Variants in UGT2B17 observed in about 807,000 individuals in gnomAD.
UGT2B17 encodes UDP glucuronosyltransferase family 2 member B17.
In UGT2B17, 21 loss-of-function variants were observed where a neutral mutation model predicts 48.2. That is an observed-to-expected ratio of 0.44 (90% CI 0.31 to 0.63). UGT2B17 has a LOEUF of 0.63. Among genes scored for constraint, UGT2B17 ranks in the 20% least tolerant of loss-of-function variants. The pLI is 0.08. For synonymous variants in UGT2B17, 146 were observed against 238.4 expected (o/e 0.61, Z 3.57); for missense variants, 402 against 696.1 (o/e 0.58, Z 4.75).
chr4:68,562,402 T>C (rs1007308872), intron 3 of UGT2B17, among the ~76,000 whole-genome samples: 3 of 126,398 alleles, frequency 2.4e-5, no homozygotes, highest in African/African-American at 5.4e-5. Flanking sequence ...CTTGAGCCAC[T>C]GTGCCCGGTC....
intron 1 of UGT2B17, among the ~76,000 whole-genome samples, chr4:68,572,410 C>T (rs1044987708): frequency 2.4e-5 from 3 of 126,156 alleles, no homozygotes; most frequent in African/African-American, 8.2e-5. Flanking sequence ...ATTTCCTGGG[C>T]TACATACCTT....
rs1731197271 is a variant in UGT2B17 at position 68,566,114 on chromosome 4, A to G, written c.725-394T>C. Among the ~76,000 whole-genome samples the G allele has an allele frequency of 1.7e-5, 2 of 118,966 alleles. 1 individual carries two copies. The highest frequency in any genetic ancestry group is 5.6e-5 in the African/African-American group (2 of 35,496). The allele number at this position is 118,966 out of a possible 152,430, so 78.0% of individuals were successfully genotyped here. On this transcript the variant is annotated intron_variant, in intron 2 of 6. Coordinates refer to ENST00000317746, the MANE Select transcript of UGT2B17 (RefSeq NM_001077.4). ...TTAATAAAATTAAACAATATTTAAT[A>G]TTTAATTTAATATTTAATATTTAAT...
At position 68,553,425 on chromosome 4, in the gene UGT2B17, G is replaced by C. The variant is rs1730949408; in HGVS notation, c.1006-1514C>G. Among the ~76,000 whole-genome samples, 2 of 126,698 alleles carry C rather than the reference G, an allele frequency of 1.6e-5. 1 individual carries two copies. The highest frequency in any genetic ancestry group is 3.4e-5 in the Non-Finnish European group (2 of 59,588). The allele number at this position is 126,698 out of a possible 152,430, so 83.1% of individuals were successfully genotyped here. On this transcript the variant is annotated intron_variant, in intron 4 of 6. Transcript: ENST00000317746. ...CAAAAATCTAGAGAAGGCTTCTAAT[G>C]ATTTGAACTCTTTTAAAGAATTCAG...
Position 68,569,848 on chromosome 4 carries a change from T to G in UGT2B17, c.-64-1300A>C. 1.6e-5 allele frequency among the ~76,000 whole-genome samples: 2 copies of G among 126,746 alleles called. 1 individual carries two copies. The allele number at this position is 126,746 out of a possible 152,430, so 83.2% of individuals were successfully genotyped here. On this transcript the variant is annotated intron_variant, in intron 1 of 6. Coordinates refer to ENST00000317746, the MANE Select transcript of UGT2B17 (RefSeq NM_001077.4). ...ATGCCATTTTAGGCCTCAGCCCACC[T>G]GCACCCAGGCACTCATTAAAACAGC... is the stretch of plus-strand genomic sequence containing the variant.
chr4:68,568,682 C>T (rs62317003), intron 1 of UGT2B17, among the ~76,000 whole-genome samples, 134 bp from the exon 2 acceptor site: 114,356 of 125,320 alleles, frequency 0.91, 54,622 homozygotes, highest in East Asian at 1. Context: ...ACCTAGAATA[C>T]GTAAGTAACC....
In UGT2B17 at chr4:68,573,944, A is replaced by G. The variant is rs187767198; in HGVS notation, c.-65+2007T>C. Among the ~76,000 whole-genome samples, 2 of 126,646 alleles carry G rather than the reference A, an allele frequency of 1.6e-5. 1 individual carries two copies. The highest frequency in any genetic ancestry group is 5.4e-5 in the African/African-American group (2 of 36,876). The allele number at this position is 126,646 out of a possible 152,430, so 83.1% of individuals were successfully genotyped here. ...CAGGATATAGCAGAGAGAGCTTGGCATGACTTATTACTCCAGGCTGTAGAA... is the reference window on the plus strand; with the variant it reads ...CAGGATATAGCAGAGAGAGCTTGGCGTGACTTATTACTCCAGGCTGTAGAA... On this transcript the variant is annotated intron_variant, in intron 1 of 6. Coordinates refer to ENST00000317746, the MANE Select transcript of UGT2B17 (RefSeq NM_001077.4).
rs1308511978 is a variant in UGT2B17, at chr4:68,553,421, T to C, written c.1006-1510A>G. On this transcript the variant is annotated intron_variant, in intron 4 of 6. Transcript: ENST00000317746. ...GTACCAAAAATCTAGAGAAGGCTTC[T>C]AATGATTTGAACTCTTTTAAAGAAT... Among the ~76,000 whole-genome samples the C allele has an allele frequency of 2.4e-5, 3 of 127,058 alleles. 1 individual carries two copies. The highest frequency in any genetic ancestry group is 5.0e-5 in the Non-Finnish European group (3 of 59,736). 83.4% of individuals were successfully genotyped at this position (127,058 alleles called of 152,430 possible). A position where few individuals can be genotyped will look rare whatever the true frequency, so the allele number is the denominator to read the frequency against.
intron 1 of UGT2B17, among the ~76,000 whole-genome samples, chr4:68,571,225 C>T (rs1433343073): frequency 8.0e-6 from 1 of 125,194 alleles, no homozygotes; most frequent in African/African-American, 2.7e-5. Context: ...TTTCCTATGG[C>T]TATGCTTCAT....
chr4:68,570,505 C>G (rs76011384), intron 1 of UGT2B17, among the ~76,000 whole-genome samples: 7,091 of 126,476 alleles, frequency 0.056, 1,747 homozygotes, highest in African/African-American at 0.18. Context: ...AAAACAGGTA[C>G]TGAGCATAAA....
At chr4:68,575,415 A>C (rs1246821607) in intron 1 of UGT2B17, among the ~76,000 whole-genome samples, 3 of 124,440 alleles carry the variant, frequency 2.4e-5, no homozygotes, top group Non-Finnish European at 5.1e-5. Flanking sequence ...ACCTACCTCT[A>C]ATGCTGGCCA....
At chr4:68,559,473 T>C (rs7442348) in intron 4 of UGT2B17, among the ~76,000 whole-genome samples, 59,599 of 123,740 alleles carry the variant, frequency 0.48, 23,200 homozygotes, top group Middle Eastern at 0.76. Flanking sequence ...TGGTCAGCTA[T>C]AGCCAGTCAT....
intron 4 of UGT2B17, among the ~76,000 whole-genome samples, chr4:68,558,842 C>T (rs1342129972): frequency 8.0e-6 from 1 of 125,764 alleles, no homozygotes; most frequent in African/African-American, 2.7e-5. Context: ...CACCCCTCTG[C>T]TCACTGAGAT....
rs553183051 is a variant in UGT2B17 at position 68,557,823 on chromosome 4, G to A, written c.1005+2714C>T. Among the ~76,000 whole-genome samples, 61 of 124,712 alleles carry A rather than the reference G, an allele frequency of 4.9e-4. 11 individuals are homozygous for A. The highest frequency in any genetic ancestry group is 4.8e-3 in the Admixed American group (58 of 12,128). 81.8% of individuals were successfully genotyped at this position (124,712 alleles called of 152,430 possible). On this transcript the variant is annotated intron_variant, in intron 4 of 6. Coordinates refer to ENST00000317746, the MANE Select transcript of UGT2B17 (RefSeq NM_001077.4). ...TTTAGGGAATCAAACTTAACTTATG[G>A]AGCCAATAAAACCCCTTGGGAAAAC...
chr4:68,555,428 G>A (rs1368302142), intron 4 of UGT2B17, among the ~76,000 whole-genome samples: 1 of 126,192 alleles, frequency 7.9e-6, no homozygotes, highest in Non-Finnish European at 1.7e-5. Flanking sequence ...TTTGGGAAAA[G>A]ACTGTTATCA....
At chr4:68,562,707 T>A (rs1188640288) in intron 3 of UGT2B17, among the ~76,000 whole-genome samples, 1 of 126,134 alleles carries the variant, frequency 7.9e-6, no homozygotes. Flanking sequence ...AGGAAAAAAA[T>A]CATTTTTCCC....
chr4:68,561,777 T>A (rs1186866566), intron 3 of UGT2B17, among the ~76,000 whole-genome samples: 6 of 106,356 alleles, frequency 5.6e-5, no homozygotes, highest in Non-Finnish European at 9.6e-5. Context: ...AGTCAATGTA[T>A]TCTCACACCA....
At chr4:68,557,620 A>G (rs1226869645) in intron 4 of UGT2B17, among the ~76,000 whole-genome samples, 4 of 127,184 alleles carry the variant, frequency 3.1e-5, no homozygotes, top group Admixed American at 8.0e-5. Context: ...AATTTAGAAC[A>G]TATTTGTTTC....
chr4:68,547,786 A>G lies in UGT2B17; in HGVS notation c.1313+2891T>C, dbSNP rs184724605. 4.6e-3 allele frequency among the ~76,000 whole-genome samples: 591 copies of G among 127,126 alleles called. 146 individuals carry two copies. Among genetic ancestry groups the G allele is most frequent in the Middle Eastern group, 0.044 (11 of 252 alleles). The allele number at this position is 127,126 out of a possible 152,430, so 83.4% of individuals were successfully genotyped here. A position where few individuals can be genotyped will look rare whatever the true frequency, so the allele number is the denominator to read the frequency against. On this transcript the variant is annotated intron_variant, in intron 6 of 6. Coordinates refer to ENST00000317746, the MANE Select transcript of UGT2B17 (RefSeq NM_001077.4). ...TGAAGGAAATGAACAGACACTTCTC[A>G]AAAGAAGACATTTAGGCAGCCAAAA...
rs1432113865 is a variant in UGT2B17 at position 68,574,829 on chromosome 4, A to G, written c.-65+1122T>C. 8.0e-5 allele frequency among the ~76,000 whole-genome samples: 10 copies of G among 125,402 alleles called. 2 individuals carry two copies. Among genetic ancestry groups the G allele is most frequent in the African/African-American group, 2.7e-4 (10 of 36,686 alleles). The allele number at this position is 125,402 out of a possible 152,430, so 82.3% of individuals were successfully genotyped here. On this transcript the variant is annotated intron_variant, in intron 1 of 6. Transcript: ENST00000317746. ...CGACTTTCGCCAACAATTTTTCAAC[A>G]TGTCTCAACTTTCTGACTTATTACA...
Sources: allele counts gnomAD v4.1 joint callset (sites outside exome capture counted in the v4.1 genomes callset), GRCh38; gene constraint gnomAD v4.1.1; transcripts MANE v1.5; gene names NCBI Gene and HGNC (gene_info 2026-07-23, HGNC 2026-07-21).